The following NWD1 variants were observed in gnomAD, a reference collection of about 807,000 sequenced individuals.
The protein encoded by NWD1 is NACHT and WD repeat domain containing 1, also known as NACHT domain- and WD repeat-containing protein 1.
NWD1 carries 129 observed loss-of-function variants against 135.1 expected under a neutral mutation model. The observed-to-expected ratio is 0.96, with a 90% CI of 0.83 to 1.11. The LOEUF (loss-of-function observed/expected upper bound fraction) is 1.11. Ranked by LOEUF, NWD1 falls within the 50% of genes least tolerant of loss-of-function variation. The probability of loss-of-function intolerance (pLI) is 0.00; values close to 1 mark genes in which losing one functional copy is unlikely to be tolerated. For missense variants in NWD1, 1,740 were observed against 1,851.3 expected, an observed-to-expected ratio of 0.94 and a Z score of 1.10; for synonymous variants, 773 against 786.0, an observed-to-expected ratio of 0.98 and a Z score of 0.28.
In NWD1 at chr19:16,759,254, A is replaced by G. The variant is rs779559959; in HGVS notation, c.1799A>G (p.Asp600Gly). ...GGTCTCTCGGAGGCGGAGCTGAAGG[A>G]TGTTTTGTCCCTGGACGACGAGGTC... ...RHGLSEAELK[D>G]VLSLDDEVLQ... Residue 600 changes from aspartate (D) to glycine (G), a missense_variant, in exon 7 of 19, where the codon GAT (aspartate) becomes GGT (glycine). By Grantham distance (94) the Asp-to-Gly change is moderately conservative. Coordinates refer to ENST00000524140, the MANE Select transcript of NWD1 (RefSeq NM_001007525.5). The G allele has an allele frequency of 1.2e-5, 20 of 1,613,820 alleles. No individual in the cohort carries two copies. Among genetic ancestry groups the G allele is most frequent in the Non-Finnish European group, 1.6e-5 (19 of 1,179,946 alleles).
intron 2 of NWD1, among the ~76,000 whole-genome samples, chr19:16,729,998 T>A (rs1041987242): frequency 6.6e-6 from 1 of 152,092 alleles, no homozygotes; most frequent in African/African-American, 2.4e-5. Context: ...GTGTTTTCAA[T>A]AGCACTCTTC....
rs1336399774 is a variant in NWD1 at position 16,761,968 on chromosome 19, C to G, written c.1974-11C>G. 4 of 1,612,230 alleles carry G rather than the reference C, an allele frequency of 2.5e-6. No homozygotes were observed. The highest frequency in any genetic ancestry group is 2.2e-5 in the South Asian group (2 of 90,992). On this transcript the variant is annotated splice_polypyrimidine_tract_variant and intron_variant, in intron 7 of 18. Transcript: ENST00000524140. ...CACCCAGGTCTATCAGTCTGTATAC[C>G]CTCTCTGTAGACAGCTGGTCGAGGT... is the stretch of plus-strand genomic sequence containing the variant.
chr19:16,793,918 G>A (rs1227423932), intron 14 of NWD1, among the ~76,000 whole-genome samples: 1 of 152,068 alleles, frequency 6.6e-6, no homozygotes, highest in African/African-American at 2.4e-5. Flanking sequence ...TAGAGACAGA[G>A]TCTCAGTCTG....
In NWD1 at chr19:16,787,904, AATCATCATCATCATC is replaced by A. The variant is rs149004219; in HGVS notation, c.2732-1051_2732-1037del. Among the ~76,000 whole-genome samples the A allele has an allele frequency of 8.9e-3, 1,076 of 120,990 alleles. 27 individuals carry two copies. The highest frequency in any genetic ancestry group is 0.032 in the African/African-American group (999 of 31,634). 79.4% of individuals were successfully genotyped at this position (120,990 alleles called of 152,430 possible). A position where few individuals can be genotyped will look rare whatever the true frequency, so the allele number is the denominator to read the frequency against. ...TAATAATAATAATAATAATAATAAT[AATCATCATCATCATC>A]ATCATCATCATCATCATCATCATCA... is the stretch of plus-strand genomic sequence containing the variant. On this transcript the variant is annotated intron_variant, in intron 12 of 18. Coordinates refer to ENST00000524140, the MANE Select transcript of NWD1 (RefSeq NM_001007525.5).
Position 16,731,174 on chromosome 19 carries a change from C to T in NWD1, c.-6-18C>T. 1 of 1,408,880 alleles carries T rather than the reference C, an allele frequency of 7.1e-7. No individual in the cohort carries two copies. Among genetic ancestry groups the T allele is most frequent in the Non-Finnish European group, 9.7e-7 (1 of 1,031,396 alleles). 87.3% of individuals were successfully genotyped at this position (1,408,880 alleles called of 1,614,324 possible). A position where few individuals can be genotyped will look rare whatever the true frequency, so the allele number is the denominator to read the frequency against. On this transcript the variant is annotated intron_variant, in intron 2 of 18. Transcript: ENST00000524140. Reference sequence around the variant, plus strand: ...TCTGAGTCCTTTCCACTAATACCCTCCATGCCCTTCCTTGCAGATATGGAT... The same window carrying T: ...TCTGAGTCCTTTCCACTAATACCCTTCATGCCCTTCCTTGCAGATATGGAT...
chr19:16,756,693 A>G (rs979496519), intron 6 of NWD1, among the ~76,000 whole-genome samples: 1 of 152,076 alleles, frequency 6.6e-6, no homozygotes, highest in Non-Finnish European at 1.5e-5. Flanking sequence ...AGACTGCTAC[A>G]CATCCTACAA....
At chr19:16,767,295 G>T (rs759898508) in intron 10 of NWD1, among the ~76,000 whole-genome samples, 1 of 150,938 alleles carries the variant, frequency 6.6e-6, no homozygotes, top group Non-Finnish European at 1.5e-5. Context: ...GGCAGCAGGC[G>T]AGAGAGAGGG....
intron 2 of NWD1, among the ~76,000 whole-genome samples, chr19:16,729,827 C>G: frequency 6.6e-6 from 1 of 150,404 alleles, no homozygotes; most frequent in East Asian, 2.0e-4. Flanking sequence ...CGAGATTGTG[C>G]CACTGCATTC....
chr19:16,816,678 G>C lies in NWD1; in HGVS notation c.*1639G>C, dbSNP rs898380912. On this transcript the variant is annotated 3_prime_UTR_variant, in exon 19 of 19. Transcript: ENST00000524140. ...TTCTCAGGCTTTTACTTTAATGCTA[G>C]GATAGTCTAAATCTTCAAGGTGGCT... 2.6e-5 allele frequency: 4 copies of C among 152,010 alleles called. No homozygotes were observed. The highest frequency in any genetic ancestry group is 9.7e-5 in the African/African-American group (4 of 41,312). 9.4% of individuals were successfully genotyped at this position (152,010 alleles called of 1,614,324 possible). A position where few individuals can be genotyped will look rare whatever the true frequency, so the allele number is the denominator to read the frequency against.
chr19:16,814,626 C>T (rs1412718903), intron 18 of NWD1, among the ~76,000 whole-genome samples: 6 of 152,158 alleles, frequency 3.9e-5, no homozygotes, highest in Non-Finnish European at 8.8e-5. Context: ...TATGCTGTAG[C>T]AAAGATATAT....
Position 16,736,662 on chromosome 19 carries a change from A to G in NWD1, c.110A>G (p.Asn37Ser). 6.5e-7 allele frequency: 1 copy of G among 1,535,992 alleles called. No homozygotes were observed. The highest frequency in any genetic ancestry group is 2.4e-5 in the East Asian group (1 of 40,908). ...GTTGATCTGAGGTGGGGTATTCGGA[A>G]CATTGAAGCCACTGACCACTTGACC... ...EVVDLRWGIRNIEATDHLTTE... is the reference protein window; with the variant it reads ...EVVDLRWGIRSIEATDHLTTE... The change falls in exon 4 of 19, where the codon AAC (asparagine) becomes AGC (serine). Residue 37 changes from asparagine (N) to serine (S), a missense_variant. By Grantham distance (46) the Asn-to-Ser change is conservative (BLOSUM62 1). Transcript: ENST00000524140.
chr19:16,778,606 T>G (rs1262294537), intron 11 of NWD1, among the ~76,000 whole-genome samples: 1 of 151,726 alleles, frequency 6.6e-6, no homozygotes, highest in African/African-American at 2.4e-5. Context: ...CCTCCTGGGC[T>G]CAAGTCATTC....
intron 10 of NWD1, among the ~76,000 whole-genome samples, chr19:16,767,124 C>T (rs1416242340): frequency 6.8e-6 from 1 of 147,176 alleles, no homozygotes; most frequent in Non-Finnish European, 1.5e-5. Context: ...GCTGGGAAGG[C>T]CTCAGGAAAC....
Position 16,754,462 on chromosome 19 carries a change from TTCCATCCATCCATCCA to T in NWD1, c.1769+4082_1769+4097del, listed in dbSNP as rs59776692. Among the ~76,000 whole-genome samples, 255 of 128,994 alleles carry T rather than the reference TTCCATCCATCCATCCA, an allele frequency of 2.0e-3. 5 individuals are homozygous for T. The highest frequency in any genetic ancestry group is 1.5e-3 in the Non-Finnish European group (93 of 61,628). 84.6% of individuals were successfully genotyped at this position (128,994 alleles called of 152,430 possible). Reference sequence around the variant, plus strand: ...CTTCCTCCCATCCATCATCTCTATTTTCCATCCATCCATCCATCCATCCATCCATCCATCCATCCAT... The same window carrying T: ...CTTCCTCCCATCCATCATCTCTATTTTCCATCCATCCATCCATCCATCCAT... On this transcript the variant is annotated intron_variant, in intron 6 of 18. Transcript: ENST00000524140.
At chr19:16,730,658 A>T (rs1599424311) in intron 2 of NWD1, among the ~76,000 whole-genome samples, 1 of 152,042 alleles carries the variant, frequency 6.6e-6, no homozygotes, top group Non-Finnish European at 1.5e-5. Flanking sequence ...TTGAGGTTAC[A>T]GTGAGCTATG....
chr19:16,803,337 G>C (rs1707698104), intron 17 of NWD1, among the ~76,000 whole-genome samples: 1 of 152,056 alleles, frequency 6.6e-6, no homozygotes, highest in South Asian at 2.1e-4. Context: ...AACAGACTTA[G>C]ACAGGCCCCA....
At chr19:16,746,109 C>A (rs542709854) in intron 5 of NWD1, among the ~76,000 whole-genome samples, 18 of 151,798 alleles carry the variant, frequency 1.2e-4, no homozygotes, top group Non-Finnish European at 2.4e-4. Context: ...AATCCCAGCA[C>A]TTTGGGAGTC....
intron 4 of NWD1, among the ~76,000 whole-genome samples, chr19:16,744,189 T>C (rs895219208): frequency 1.3e-5 from 2 of 152,104 alleles, no homozygotes; most frequent in East Asian, 3.9e-4. Flanking sequence ...AGGAGTTCAA[T>C]ACCAGCCCGG....
intron 3 of NWD1, among the ~76,000 whole-genome samples, chr19:16,733,326 G>C (rs542757384): frequency 6.9e-4 from 105 of 152,018 alleles, no homozygotes; most frequent in African/African-American, 2.2e-3. Flanking sequence ...TTCGAGACCA[G>C]CCTGGCCAAC....
Sources: gnomAD v4.1 joint callset for allele counts (sites outside exome capture counted in the v4.1 genomes callset) on GRCh38, gnomAD v4.1.1 for gene constraint, MANE v1.5 for transcripts, NCBI Gene and HGNC (gene_info 2026-07-23, HGNC 2026-07-21) for gene names.